Variants in TANC2 observed in about 807,000 individuals in gnomAD.
The protein encoded by TANC2 is tetratricopeptide repeat, ankyrin repeat and coiled-coil containing 2, also known as protein TANC2.
Under a neutral mutation model 210.5 loss-of-function variants are expected in TANC2, and 26 were observed. That is an observed-to-expected ratio of 0.12 (90% CI 0.09 to 0.17). The LOEUF is 0.17. Among genes scored for constraint, TANC2 ranks in the 10% least tolerant of loss-of-function variants. The pLI is 1.00. For synonymous variants in TANC2, 931 were observed against 967.1 expected, an observed-to-expected ratio of 0.96 and a Z score of 0.69; for missense variants, 2,129 against 2,608.9, an observed-to-expected ratio of 0.82 and a Z score of 4.01.
At chr17:63,413,043 C>T (rs1167697651) in intron 24 of TANC2, 1 of 312,730 alleles carries the variant, frequency 3.2e-6, no homozygotes, top group Middle Eastern at 9.4e-4. Flanking sequence ...AAGTGAATCC[C>T]GGGGAGTCCT....
At position 63,418,121 on chromosome 17, in the gene TANC2, C is replaced by G. The variant is rs1476289554; in HGVS notation, c.4168-186C>G. On this transcript the variant is annotated intron_variant, in intron 26 of 27. Coordinates refer to ENST00000689528, the Ensembl canonical transcript of TANC2. This position sits in a 1 kb window ranked among gnomAD's most constrained non-coding sequence, Gnocchi z 4.6. ...TCCAGTGAGCAGTCGCAGCGCTACA[C>G]AGGACAAAGGCAGAAGGAACTTTCA... is the stretch of plus-strand genomic sequence containing the variant. Among the ~76,000 whole-genome samples, 1 of 152,236 alleles carries G rather than the reference C, an allele frequency of 6.6e-6. No individual in the cohort carries two copies. Among genetic ancestry groups the G allele is most frequent in the Non-Finnish European group, 1.5e-5 (1 of 68,044 alleles).
In TANC2 at chr17:63,421,981, A is replaced by G. The variant is rs1374849323; in HGVS notation, c.*26A>G. On this transcript the variant is annotated 3_prime_UTR_variant, in exon 28 of 28. Coordinates refer to ENST00000689528, the Ensembl canonical transcript of TANC2. This position sits in a 1 kb window ranked among gnomAD's most constrained non-coding sequence, Gnocchi z 6.9. The stretch of plus-strand genomic sequence containing the variant: ...AAGACGTTTTGTTGGAGTGAGACCC[A>G]TATGTTTTCACTGCACATTTTCAGG... 2.6e-6 allele frequency: 4 copies of G among 1,562,434 alleles called. No homozygotes were observed. The highest frequency in any genetic ancestry group is 1.4e-5 in the African/African-American group (1 of 73,394).
intron 1 of TANC2, among the ~76,000 whole-genome samples, chr17:62,995,736 T>G (rs1424252623): frequency 6.6e-6 from 1 of 152,238 alleles, no homozygotes; most frequent in Non-Finnish European, 1.5e-5. Context: ...CCCTCCAGTC[T>G]TGAAAGAGAT....
At chr17:63,233,170 A>G (rs1383706321) in intron 7 of TANC2, among the ~76,000 whole-genome samples, 3 of 152,268 alleles carry the variant, frequency 2.0e-5, no homozygotes, top group Non-Finnish European at 4.4e-5. Flanking sequence ...CCAGGAGCTC[A>G]GTCATCTTAG....
intron 2 of TANC2, among the ~76,000 whole-genome samples, chr17:63,049,238 T>C (rs1409364955): frequency 6.6e-6 from 1 of 152,204 alleles, no homozygotes; most frequent in Non-Finnish European, 1.5e-5. Flanking sequence ...TTTGTCCTCA[T>C]GGAATTTATA....
At chr17:63,299,231 A>T (rs1054564069) in intron 9 of TANC2, among the ~76,000 whole-genome samples, 1 of 152,178 alleles carries the variant, frequency 6.6e-6, no homozygotes, top group Non-Finnish European at 1.5e-5. Context: ...TGCAATAAAC[A>T]TATGTGTGCA....
intron 12 of TANC2, 28 bp downstream of exon 12, chr17:63,340,360 A>C (rs1453538883): frequency 6.3e-7 from 1 of 1,596,538 alleles, no homozygotes; most frequent in African/African-American, 1.3e-5. Context: ...AGGAGGGGAA[A>C]GATGGAGGTT....
At chr17:63,308,042 G>A (rs1165778038) in intron 9 of TANC2, among the ~76,000 whole-genome samples, 2 of 152,166 alleles carry the variant, frequency 1.3e-5, no homozygotes, top group African/African-American at 2.4e-5. Context: ...TGGGATTACA[G>A]GGGTGAGCCA....
chr17:63,185,239 T>A (rs1044554762), intron 5 of TANC2, among the ~76,000 whole-genome samples: 5 of 152,112 alleles, frequency 3.3e-5, no homozygotes, highest in Non-Finnish European at 7.4e-5. Flanking sequence ...TACAAGCATG[T>A]ACCACCACAC....
chr17:63,072,653 G>T (rs2036438209), intron 2 of TANC2, among the ~76,000 whole-genome samples: 1 of 152,024 alleles, frequency 6.6e-6, no homozygotes, highest in Non-Finnish European at 1.5e-5. Flanking sequence ...AATTAGTGGA[G>T]TGTTTTACTA....
intron 3 of TANC2, among the ~76,000 whole-genome samples, chr17:63,080,847 C>T (rs896523300): frequency 4.6e-5 from 7 of 151,834 alleles, no homozygotes; most frequent in Non-Finnish European, 1.0e-4. Context: ...TGAATAAGAC[C>T]GTTCTGTTTA....
intron 3 of TANC2, among the ~76,000 whole-genome samples, chr17:63,083,747 A>C (rs1312878306): frequency 6.6e-6 from 1 of 152,058 alleles, no homozygotes; most frequent in African/African-American, 2.4e-5. Context: ...TATGGATATG[A>C]TCATGTGATT....
intron 5 of TANC2, among the ~76,000 whole-genome samples, chr17:63,167,292 A>G (rs1598510156): frequency 6.6e-6 from 1 of 152,346 alleles, no homozygotes; most frequent in Non-Finnish European, 1.5e-5. Flanking sequence ...TAAAGGGCTT[A>G]GCACATAGTA....
chr17:63,195,261 T>C (rs1212827955), intron 6 of TANC2, among the ~76,000 whole-genome samples: 1 of 152,190 alleles, frequency 6.6e-6, no homozygotes, highest in Non-Finnish European at 1.5e-5. Context: ...TCCCACATTA[T>C]ATTTTCTACC....
chr17:63,174,440 A>G (rs148801694), intron 5 of TANC2, among the ~76,000 whole-genome samples: 3 of 152,338 alleles, frequency 2.0e-5, no homozygotes, highest in African/African-American at 7.2e-5. Context: ...CATTAAAGAA[A>G]GTTTCTGTAT....
At chr17:63,257,421 G>A (rs1329346787) in intron 8 of TANC2, among the ~76,000 whole-genome samples, 2 of 152,164 alleles carry the variant, frequency 1.3e-5, no homozygotes, top group African/African-American at 2.4e-5. Context: ...GCAGTGGCGT[G>A]TTCTTAGCTC....
At chr17:63,406,404 G>T in intron 21 of TANC2, 127 bp downstream of exon 21, 1 of 1,305,222 alleles carries the variant, frequency 7.7e-7, no homozygotes, top group Non-Finnish European at 1.1e-6. Flanking sequence ...GAAAATGAAA[G>T]GCTATCTCCT....
At chr17:63,009,654 C>T (rs768577539) in intron 2 of TANC2, 28 bp downstream of exon 2, 40 of 1,593,796 alleles carry the variant, frequency 2.5e-5, no homozygotes, top group Admixed American at 1.3e-4. Flanking sequence ...ATTTATTGTG[C>T]GTGATATTTT....
intron 14 of TANC2, among the ~76,000 whole-genome samples, chr17:63,377,318 A>G (rs534019990): frequency 2.6e-5 from 4 of 152,298 alleles, no homozygotes; most frequent in Middle Eastern, 3.4e-3. Flanking sequence ...TTTATTTTCT[A>G]TTGCATTGTC....
Sources: allele counts gnomAD v4.1 joint callset (sites outside exome capture counted in the v4.1 genomes callset), GRCh38; gene constraint gnomAD v4.1.1; non-coding constraint Gnocchi (gnomAD v3.1); transcripts MANE v1.5; gene names NCBI Gene and HGNC (gene_info 2026-07-23, HGNC 2026-07-21).